The following ARHGEF11 variants were observed in gnomAD, a reference collection of about 807,000 sequenced individuals.
The protein encoded by ARHGEF11 is Rho guanine nucleotide exchange factor 11.
In ARHGEF11, 55 loss-of-function variants were observed where a neutral mutation model predicts 193.7. The observed-to-expected ratio is 0.28, with a 90% CI of 0.23 to 0.36. ARHGEF11 has a LOEUF of 0.36. Among genes scored for constraint, ARHGEF11 ranks in the 10% least tolerant of loss-of-function variants. The pLI is 1.00. For missense variants in ARHGEF11, 1,723 were observed against 2,005.6 expected (o/e 0.86, Z 2.69); for synonymous variants, 693 against 768.0 (o/e 0.90, Z 1.62).
chr1:157,042,049 C>T (rs1672815491), intron 1 of ARHGEF11, among the ~76,000 whole-genome samples: 1 of 152,048 alleles, frequency 6.6e-6, no homozygotes, highest in Non-Finnish European at 1.5e-5. Context: ...TGATGTTGCC[C>T]AAAGTTACAA....
chr1:156,979,175 T>C, intron 5 of ARHGEF11, 54 bp downstream of exon 5: 1 of 1,559,456 alleles, frequency 6.4e-7, no homozygotes, highest in East Asian at 2.2e-5. Flanking sequence ...CCTCCTTTCC[T>C]CCCTCTCGGA....
rs116139372 is a variant in ARHGEF11, at chr1:156,939,122, T to A, written c.4096+426A>T. ...GCCACCTCTACTGCCCTTGGAGCTG[T>A]TGCCTGGCGTGAGGGGCTGCATGCA... On this transcript the variant is annotated intron_variant, in intron 37 of 40. Transcript: ENST00000368194. 297 of 241,586 alleles carry A rather than the reference T, an allele frequency of 1.2e-3. 2 individuals are homozygous for A. Among genetic ancestry groups the A allele is most frequent in the African/African-American group, 6.6e-3 (283 of 42,834 alleles). 15.0% of individuals were successfully genotyped at this position (241,586 alleles called of 1,614,324 possible).
intron 3 of ARHGEF11, among the ~76,000 whole-genome samples, chr1:156,980,846 G>GGT (rs1557897223): frequency 1.3e-4 from 10 of 75,508 alleles, no homozygotes; most frequent in Non-Finnish European, 2.3e-4. Flanking sequence ...GGGGGGGGGG[G>GGT]GAAATGAGTT....
chr1:157,008,023 T>TA (rs1668062587), intron 1 of ARHGEF11, among the ~76,000 whole-genome samples: 2 of 150,274 alleles, frequency 1.3e-5, no homozygotes, highest in African/African-American at 4.9e-5. Flanking sequence ...AATAAAAGAA[T>TA]AAGCCTAACT....
chr1:156,958,472 G>A (rs972937647), intron 17 of ARHGEF11, among the ~76,000 whole-genome samples: 1 of 152,164 alleles, frequency 6.6e-6, no homozygotes, highest in African/African-American at 2.4e-5. Context: ...AGGGCCAGCA[G>A]GGGAAAGCAG....
chr1:156,990,237 T>C (rs967355198), intron 1 of ARHGEF11, among the ~76,000 whole-genome samples: 16 of 152,228 alleles, frequency 1.1e-4, no homozygotes, highest in African/African-American at 3.1e-4. Flanking sequence ...TGTCCTACAA[T>C]CTGGATTCAT....
chr1:156,941,404 T>C lies in ARHGEF11; in HGVS notation c.3482A>G (p.His1161Arg). 1 of 1,613,590 alleles carries C rather than the reference T, an allele frequency of 6.2e-7. No individual in the cohort carries two copies. Among genetic ancestry groups the C allele is most frequent in the Non-Finnish European group, 8.5e-7 (1 of 1,179,702 alleles). The part of the protein sequence containing the change: ...RVELDDSDVF[H>R]GEPEPEELPG... ...CAGCTCCTCAGGTTCAGGTTCACCATGGAACACGTCTGAGTCATCCAGTTC... is the reference window on the plus strand; with the variant it reads ...CAGCTCCTCAGGTTCAGGTTCACCACGGAACACGTCTGAGTCATCCAGTTC... Residue 1161 changes from histidine (H) to arginine (R), a missense_variant, in exon 35 of 41, where the codon CAT (histidine) becomes CGT (arginine). This residue lies in a region of ARHGEF11 where 203 missense variants were observed against 237.3 expected (regional missense o/e 0.86). Coordinates refer to ENST00000368194, the MANE Select transcript of ARHGEF11 (RefSeq NM_198236.3).
chr1:156,936,914 G>C lies in ARHGEF11; in HGVS notation c.4532C>G (p.Ala1511Gly), dbSNP rs377284095. 5 of 1,614,000 alleles carry C rather than the reference G, an allele frequency of 3.1e-6. No homozygotes were observed. The African/African-American group carries it at 6.7e-5, about 22-fold the overall frequency. Residue 1511 changes from alanine to glycine, a missense_variant, in exon 40 of 41, where the codon GCA becomes GGA. Ala to Gly is a moderately conservative substitution (Grantham distance 60, BLOSUM62 0). This residue lies in a region of ARHGEF11 where 360 missense variants were observed against 344.4 expected (regional missense o/e 1.05). Transcript: ENST00000368194. Reference sequence around the variant, plus strand: ...GAGGGAGCCATCTGTCCATCTAGCTGCTTCTGTGTGGAAACTGCCCACAGG... The same window carrying C: ...GAGGGAGCCATCTGTCCATCTAGCTCCTTCTGTGTGGAAACTGCCCACAGG... ...TTPVGSFHTE[A>G]ARWTDGSLSP... is the part of the protein sequence containing the mutation.
intron 5 of ARHGEF11, among the ~76,000 whole-genome samples, chr1:156,978,906 C>T (rs1443516049): frequency 6.6e-6 from 1 of 152,236 alleles, no homozygotes; most frequent in African/African-American, 2.4e-5. Context: ...GGAAGAATGT[C>T]CATGAATGGC....
intron 1 of ARHGEF11, among the ~76,000 whole-genome samples, chr1:157,029,841 A>G (rs1424840376): frequency 6.6e-6 from 1 of 152,250 alleles, no homozygotes; most frequent in Admixed American, 6.5e-5. Context: ...TATACACACT[A>G]AAACATGGTT....
intron 1 of ARHGEF11, among the ~76,000 whole-genome samples, chr1:157,003,149 C>T (rs181057053): frequency 1.1e-4 from 16 of 152,304 alleles, no homozygotes; most frequent in African/African-American, 3.6e-4. Context: ...ATTAATGTTG[C>T]CATTTTACAG....
chr1:156,955,536 C>CA (rs1476497449), intron 20 of ARHGEF11, among the ~76,000 whole-genome samples, 167 bp downstream of exon 20: 1 of 152,126 alleles, frequency 6.6e-6, no homozygotes, highest in Non-Finnish European at 1.5e-5. Context: ...ACCTGAACCT[C>CA]AGAGATCCTG....
intron 33 of ARHGEF11, 135 bp from the exon 34 acceptor site, chr1:156,942,124 C>T: frequency 3.1e-6 from 4 of 1,279,626 alleles, no homozygotes; most frequent in Non-Finnish European, 4.3e-6. Context: ...CCTCCCTGTA[C>T]AGTCCTCCCT....
chr1:157,029,848 G>A (rs1243969354), intron 1 of ARHGEF11, among the ~76,000 whole-genome samples: 2 of 152,096 alleles, frequency 1.3e-5, no homozygotes, highest in African/African-American at 4.8e-5. Flanking sequence ...ACTAAAACAT[G>A]GTTAAATCTT....
chr1:156,947,019 G>A lies in ARHGEF11; in HGVS notation c.2489-4C>T. On this transcript the variant is annotated splice_region_variant and splice_polypyrimidine_tract_variant and intron_variant, in intron 26 of 40. Transcript: ENST00000368194. Reference sequence around the variant, plus strand: ...TTCATGGCTTCACACCAGGAATCTGGGGCAGGAAGAGAACAAATAGAAATG... The same window carrying A: ...TTCATGGCTTCACACCAGGAATCTGAGGCAGGAAGAGAACAAATAGAAATG... The A allele has an allele frequency of 1.2e-6, 2 of 1,614,166 alleles. No individual in the cohort carries two copies. The highest frequency in any genetic ancestry group is 1.7e-6 in the Non-Finnish European group (2 of 1,180,020).
chr1:157,006,210 G>GT (rs1448493022), intron 1 of ARHGEF11, among the ~76,000 whole-genome samples: 1 of 152,034 alleles, frequency 6.6e-6, no homozygotes, highest in Admixed American at 6.5e-5. Flanking sequence ...CCCTTCAAGG[G>GT]ATCCTCCTGC....
rs1654822373 is a variant in ARHGEF11 at position 156,935,039 on chromosome 1, G to A, written c.*961C>T. Reference sequence around the variant, plus strand: ...CTATTCATCAGGGAGAGTTGGGTGAGGACGTGGTGATGGGGCCAATGCTGC... The same window carrying A: ...CTATTCATCAGGGAGAGTTGGGTGAAGACGTGGTGATGGGGCCAATGCTGC... On this transcript the variant is annotated 3_prime_UTR_variant, in exon 41 of 41. Coordinates refer to ENST00000368194, the MANE Select transcript of ARHGEF11 (RefSeq NM_198236.3). 1 of 151,630 alleles carries A rather than the reference G, an allele frequency of 6.6e-6. No individual in the cohort carries two copies. Among genetic ancestry groups the A allele is most frequent in the Non-Finnish European group, 1.5e-5 (1 of 67,900 alleles). 9.4% of individuals were successfully genotyped at this position (151,630 alleles called of 1,614,324 possible).
intron 1 of ARHGEF11, among the ~76,000 whole-genome samples, chr1:157,030,116 A>C (rs1413335634): frequency 1.3e-5 from 2 of 152,224 alleles, no homozygotes; most frequent in Non-Finnish European, 2.9e-5. Context: ...ACTGAACTGT[A>C]CACTCTAAAG....
intron 1 of ARHGEF11, among the ~76,000 whole-genome samples, chr1:157,028,185 T>A (rs901791984): frequency 3.3e-5 from 5 of 152,164 alleles, no homozygotes; most frequent in African/African-American, 1.2e-4. Flanking sequence ...ACAATACTGA[T>A]CTGTGCAAAG....
Sources: allele counts gnomAD v4.1 joint callset (sites outside exome capture counted in the v4.1 genomes callset), GRCh38; gene constraint gnomAD v4.1.1; regional missense constraint gnomAD v4.1.1; transcripts MANE v1.5; gene names NCBI Gene and HGNC (gene_info 2026-07-23, HGNC 2026-07-21).